The following ZNF277 variants were observed in gnomAD, a reference collection of about 807,000 sequenced individuals.
The protein encoded by ZNF277 is zinc finger protein 277.
Under a neutral mutation model 60.7 loss-of-function variants are expected in ZNF277, and 55 were observed. The ratio of observed to expected loss-of-function variants is 0.91; its 90% CI spans 0.73 to 1.13. The LOEUF (loss-of-function observed/expected upper bound fraction) is 1.13. ZNF277 is among the 50% of genes most tolerant of loss of function. The pLI is 0.00. For missense variants in ZNF277, 510 were observed against 523.0 expected, an observed-to-expected ratio of 0.98 and a Z score of 0.24; for synonymous variants, 178 against 179.3, an observed-to-expected ratio of 0.99 and a Z score of 0.06.
At chr7:112,216,204 T>C (rs899128803) in intron 1 of ZNF277, among the ~76,000 whole-genome samples, 2 of 152,216 alleles carry the variant, frequency 1.3e-5, no homozygotes, top group Non-Finnish European at 2.9e-5. Context: ...TACTGCGACA[T>C]TGAGTTATTT....
intron 5 of ZNF277, among the ~76,000 whole-genome samples, chr7:112,323,477 T>G (rs769983622): frequency 1.3e-5 from 2 of 152,222 alleles, no homozygotes; most frequent in African/African-American, 2.4e-5. Flanking sequence ...CCATACAGGC[T>G]GAATAGTAAC....
intron 1 of ZNF277, among the ~76,000 whole-genome samples, chr7:112,216,147 C>A (rs1225748997): frequency 6.7e-6 from 1 of 149,586 alleles, no homozygotes; most frequent in Non-Finnish European, 1.5e-5. Context: ...CTTTTGAATG[C>A]TCTTTAAATA....
At chr7:112,255,626 TACA>T (rs1463205653) in intron 1 of ZNF277, among the ~76,000 whole-genome samples, 1 of 152,070 alleles carries the variant, frequency 6.6e-6, no homozygotes, top group Non-Finnish European at 1.5e-5. Flanking sequence ...TCAGTAACAA[TACA>T]GTAATTCCTG....
intron 4 of ZNF277, among the ~76,000 whole-genome samples, chr7:112,308,537 A>G (rs147843032): frequency 6.6e-6 from 1 of 152,128 alleles, no homozygotes; most frequent in Non-Finnish European, 1.5e-5. Flanking sequence ...TGAAAAAATT[A>G]TGATCATGAT....
At chr7:112,323,451 C>T (rs937126876) in intron 5 of ZNF277, among the ~76,000 whole-genome samples, 1 of 152,180 alleles carries the variant, frequency 6.6e-6, no homozygotes, top group African/African-American at 2.4e-5. Context: ...GTGAATGTGC[C>T]TTTTCCCATC....
intron 1 of ZNF277, among the ~76,000 whole-genome samples, chr7:112,232,937 C>G (rs1260110673): frequency 6.6e-6 from 1 of 152,114 alleles, no homozygotes; most frequent in African/African-American, 2.4e-5. Context: ...TTCTCTCTGC[C>G]TAAAATCATC....
chr7:112,320,553 G>A (rs1792953770), intron 5 of ZNF277, among the ~76,000 whole-genome samples: 1 of 152,038 alleles, frequency 6.6e-6, no homozygotes, highest in South Asian at 2.1e-4. Flanking sequence ...TAGAAAGAAG[G>A]AGATGGATAA....
At chr7:112,272,869 A>G (rs535622538) in intron 1 of ZNF277, among the ~76,000 whole-genome samples, 97 of 152,326 alleles carry the variant, frequency 6.4e-4, no homozygotes, top group Non-Finnish European at 1.2e-3. Context: ...CACCAACAGT[A>G]TATGAGGATT....
intron 1 of ZNF277, among the ~76,000 whole-genome samples, chr7:112,250,256 C>T (rs200708250): frequency 1.3e-5 from 2 of 152,096 alleles, no homozygotes; most frequent in Admixed American, 1.3e-4. Flanking sequence ...AGGAAATTCC[C>T]GCCTAATAAA....
At chr7:112,315,557 C>T (rs2117107318) in intron 4 of ZNF277, among the ~76,000 whole-genome samples, 1 of 152,204 alleles carries the variant, frequency 6.6e-6, no homozygotes, top group South Asian at 2.1e-4. Context: ...TTTTGCATTA[C>T]AGTACAGTAT....
chr7:112,302,583 G>A (rs1792502030), intron 4 of ZNF277, among the ~76,000 whole-genome samples: 1 of 152,086 alleles, frequency 6.6e-6, no homozygotes, highest in Non-Finnish European at 1.5e-5. Context: ...TGACCATTGA[G>A]TAAGTTTAAC....
At chr7:112,340,736 TC>T in intron 10 of ZNF277, 135 bp from the exon 11 acceptor site, 1 of 663,050 alleles carries the variant, frequency 1.5e-6, no homozygotes, top group Non-Finnish European at 2.6e-6. Flanking sequence ...TTATTTGGTA[TC>T]TATTATTATG....
chr7:112,239,718 G>A (rs777439271), intron 1 of ZNF277, among the ~76,000 whole-genome samples: 1 of 152,162 alleles, frequency 6.6e-6, no homozygotes, highest in Admixed American at 6.5e-5. Context: ...TGAACTATAA[G>A]AAATCATCTG....
At chr7:112,225,138 G>C (rs1055437512) in intron 1 of ZNF277, among the ~76,000 whole-genome samples, 2 of 152,220 alleles carry the variant, frequency 1.3e-5, no homozygotes, top group African/African-American at 4.8e-5. Context: ...CATGTGTCCA[G>C]TGACTAGCAT....
At chr7:112,307,500 C>T (rs749003994) in intron 4 of ZNF277, among the ~76,000 whole-genome samples, 1 of 150,522 alleles carries the variant, frequency 6.6e-6, no homozygotes, top group Non-Finnish European at 1.5e-5. Flanking sequence ...CTGCAGCCTC[C>T]GCCTCCTGGT....
chr7:112,209,638 G>A (rs571194616), intron 1 of ZNF277, among the ~76,000 whole-genome samples: 3 of 151,878 alleles, frequency 2.0e-5, no homozygotes, highest in Admixed American at 1.3e-4. Context: ...ATAAGATAAA[G>A]TTGTCATTAA....
chr7:112,323,729 T>G (rs964342568), intron 5 of ZNF277, among the ~76,000 whole-genome samples: 1 of 152,242 alleles, frequency 6.6e-6, no homozygotes, highest in Non-Finnish European at 1.5e-5. Flanking sequence ...ATTTCGACCA[T>G]TTTCACCAGT....
At chr7:112,328,331 A>T (rs1793145359) in intron 6 of ZNF277, 1 of 152,376 alleles carries the variant, frequency 6.6e-6, no homozygotes. Context: ...TTTGGTTTTC[A>T]TTCACATTTG....
chr7:112,212,471 C>T (rs1162134647), intron 1 of ZNF277, among the ~76,000 whole-genome samples: 3 of 152,176 alleles, frequency 2.0e-5, no homozygotes, highest in Non-Finnish European at 4.4e-5. Flanking sequence ...CCGTATAATA[C>T]CTGTCTTGCA....
Sources: allele counts gnomAD v4.1 joint callset (sites outside exome capture counted in the v4.1 genomes callset), GRCh38; gene constraint gnomAD v4.1.1; transcripts MANE v1.5; gene names NCBI Gene and HGNC (gene_info 2026-07-23, HGNC 2026-07-21).